The following ACSS3 variants were observed in gnomAD, a reference collection of about 807,000 sequenced individuals.
The protein encoded by ACSS3 is acyl-CoA synthetase short chain family member 3.
A neutral mutation model predicts 84.2 loss-of-function variants in ACSS3; 64 were observed. The observed-to-expected ratio is 0.76, with a 90% CI of 0.62 to 0.94. The LOEUF (loss-of-function observed/expected upper bound fraction) is 0.94, where lower values mean the gene tolerates loss of function less well. Among genes scored for constraint, ACSS3 ranks in the 40% least tolerant of loss-of-function variants. ACSS3 has a pLI of 0.00. For missense variants in ACSS3, 815 were observed against 867.6 expected (o/e 0.94, Z 0.76); for synonymous variants, 317 against 310.1 (o/e 1.02, Z -0.23).
chr12:81,136,397 A>G (rs1417063272), intron 3 of ACSS3, among the ~76,000 whole-genome samples: 1 of 152,056 alleles, frequency 6.6e-6, no homozygotes, highest in African/African-American at 2.4e-5. Flanking sequence ...ATAGGTGTGC[A>G]TTTTTCAATA....
intron 2 of ACSS3, chr12:81,125,927 C>T (rs1885062239): frequency 1.3e-5 from 2 of 152,150 alleles, no homozygotes; most frequent in African/African-American, 2.4e-5. Flanking sequence ...ACGCAATAAT[C>T]GAGTTTATGC....
chr12:81,133,203 A>T (rs1405437844), intron 2 of ACSS3, among the ~76,000 whole-genome samples: 1 of 152,100 alleles, frequency 6.6e-6, no homozygotes, highest in Non-Finnish European at 1.5e-5. Flanking sequence ...GAATAAATAG[A>T]AAAGAGAAAA....
At chr12:81,096,146 G>A (rs1220742416) in intron 1 of ACSS3, among the ~76,000 whole-genome samples, 1 of 152,162 alleles carries the variant, frequency 6.6e-6, no homozygotes, top group Non-Finnish European at 1.5e-5. Context: ...CTCTGTTTCT[G>A]TGCAACAGTA....
intron 1 of ACSS3, among the ~76,000 whole-genome samples, chr12:81,086,727 C>T (rs1214124264): frequency 1.3e-5 from 2 of 152,102 alleles, no homozygotes; most frequent in Non-Finnish European, 1.5e-5. Context: ...TCTTCTTCTT[C>T]TTTTTATTTT....
chr12:81,107,531 T>C (rs1446250814), intron 1 of ACSS3, among the ~76,000 whole-genome samples: 24 of 106,792 alleles, frequency 2.2e-4, no homozygotes, highest in African/African-American at 6.0e-4. Flanking sequence ...TATATATATA[T>C]ATATATATAT....
At chr12:81,194,517 C>T (rs2031733669) in intron 8 of ACSS3, among the ~76,000 whole-genome samples, 1 of 151,824 alleles carries the variant, frequency 6.6e-6, no homozygotes, top group Non-Finnish European at 1.5e-5. Context: ...TTTTCCTTTG[C>T]ATTCAATAAA....
rs2136077382 is a variant in ACSS3 at position 81,260,862 on chromosome 12, G to C, written c.*5940G>C. ...TTTCTAAAATATTGATTCATCGAAA[G>C]TGGTTAAATATTTTGGTAAAGCATA... On this transcript the variant is annotated 3_prime_UTR_variant, in exon 16 of 16. Transcript: ENST00000548058. 6.6e-6 allele frequency: 1 copy of C among 152,228 alleles called. No individual in the cohort carries two copies. Among genetic ancestry groups the C allele is most frequent in the Non-Finnish European group, 1.5e-5 (1 of 68,016 alleles). 9.4% of individuals were successfully genotyped at this position (152,228 alleles called of 1,614,324 possible).
At position 81,230,512 on chromosome 12, in the gene ACSS3, A is replaced by G. The variant is rs147394340; in HGVS notation, c.1515-545A>G. Among the ~76,000 whole-genome samples, 233 of 151,956 alleles carry G rather than the reference A, an allele frequency of 1.5e-3. 2 individuals are homozygous for G. The highest frequency in any genetic ancestry group is 5.1e-3 in the African/African-American group (210 of 41,510). On this transcript the variant is annotated intron_variant, in intron 11 of 15. Transcript: ENST00000548058. ...TGTGTTTATAGAAGTGAGAAATCGC[A>G]TAAGTCTGGATGATTATGAGAAGAA... is the stretch of plus-strand genomic sequence containing the variant.
chr12:81,080,643 T>C (rs141851606), intron 1 of ACSS3, among the ~76,000 whole-genome samples: 3 of 152,276 alleles, frequency 2.0e-5, no homozygotes, highest in East Asian at 3.9e-4. Context: ...TAGTTTCAAT[T>C]TGAATCTATG....
chr12:81,147,937 A>C (rs1886420310), intron 5 of ACSS3, among the ~76,000 whole-genome samples: 1 of 152,056 alleles, frequency 6.6e-6, no homozygotes, highest in African/African-American at 2.4e-5. Flanking sequence ...ATAAGCATAT[A>C]AATATGTACA....
intron 2 of ACSS3, among the ~76,000 whole-genome samples, chr12:81,126,323 G>A (rs912493994): frequency 6.6e-6 from 1 of 152,110 alleles, no homozygotes; most frequent in East Asian, 1.9e-4. Context: ...GTAAAAAGTG[G>A]ATGCAATCCT....
At chr12:81,167,407 G>T (rs1034904959) in intron 7 of ACSS3, among the ~76,000 whole-genome samples, 6 of 152,028 alleles carry the variant, frequency 3.9e-5, no homozygotes, top group African/African-American at 1.4e-4. Flanking sequence ...TACAACAGAT[G>T]GGGTAATTTA....
At position 81,220,004 on chromosome 12, in the gene ACSS3, A is replaced by T. The variant is rs1206411974; in HGVS notation, c.1451-9A>T. ...ATTTTTATTCAAATATTTATATTTTACTTTGTAGTTATGATTTTGGATGAC... is the reference window on the plus strand; with the variant it reads ...ATTTTTATTCAAATATTTATATTTTTCTTTGTAGTTATGATTTTGGATGAC... On this transcript the variant is annotated splice_polypyrimidine_tract_variant and intron_variant, in intron 10 of 15. Coordinates refer to ENST00000548058, the MANE Select transcript of ACSS3 (RefSeq NM_024560.4). 2 of 1,493,084 alleles carry T rather than the reference A, an allele frequency of 1.3e-6. No individual in the cohort carries two copies. The highest frequency in any genetic ancestry group is 2.4e-5 in the East Asian group (1 of 41,432). The allele number at this position is 1,493,084 out of a possible 1,614,324, so 92.5% of individuals were successfully genotyped here.
chr12:81,083,358 C>CTTTTTTTTTT (rs111641450), intron 1 of ACSS3, among the ~76,000 whole-genome samples: 1 of 140,304 alleles, frequency 7.1e-6, no homozygotes, highest in African/African-American at 2.6e-5. Flanking sequence ...AGCTTTTGGT[C>CTTTTTTTTTT]TTTTTTTTTT....
rs186518610 is a variant in ACSS3, at chr12:81,148,839, A to G, written c.922-3005A>G. 1.5e-4 allele frequency among the ~76,000 whole-genome samples: 23 copies of G among 149,798 alleles called. No individual in the cohort carries two copies. In the East Asian group the frequency reaches 4.2e-3, roughly 27 times the overall value. ...CACTTTGGAAGGCCGAGGCGGGCAG[A>G]TCACGAGGTCTGGAGATCGAGACCA... is the stretch of plus-strand genomic sequence containing the variant. On this transcript the variant is annotated intron_variant, in intron 5 of 15. Coordinates refer to ENST00000548058, the MANE Select transcript of ACSS3 (RefSeq NM_024560.4).
chr12:81,126,425 C>T (rs1226743766), intron 2 of ACSS3, among the ~76,000 whole-genome samples: 1 of 152,142 alleles, frequency 6.6e-6, no homozygotes, highest in Admixed American at 6.6e-5. Flanking sequence ...TTGCATTTTC[C>T]ATTCTTTTAG....
intron 2 of ACSS3, among the ~76,000 whole-genome samples, chr12:81,112,432 A>G (rs981821204): frequency 2.6e-5 from 4 of 152,208 alleles, no homozygotes; most frequent in Non-Finnish European, 5.9e-5. Flanking sequence ...ATAAGTGTAT[A>G]TGACAATTAT....
chr12:81,095,832 T>C (rs1165385651), intron 1 of ACSS3, among the ~76,000 whole-genome samples: 1 of 152,226 alleles, frequency 6.6e-6, no homozygotes, highest in Non-Finnish European at 1.5e-5. Flanking sequence ...TGAGTATACA[T>C]ACTCATGTAG....
At chr12:81,241,359 G>A (rs1025036854) in intron 13 of ACSS3, among the ~76,000 whole-genome samples, 2 of 152,190 alleles carry the variant, frequency 1.3e-5, no homozygotes, top group African/African-American at 4.8e-5. Flanking sequence ...CCAGTAATGG[G>A]ATGGCTGGGT....
Sources: gnomAD v4.1 joint callset for allele counts (sites outside exome capture counted in the v4.1 genomes callset) on GRCh38, gnomAD v4.1.1 for gene constraint, MANE v1.5 for transcripts, NCBI Gene and HGNC (gene_info 2026-07-23, HGNC 2026-07-21) for gene names.